Variants in NOL9 observed in about 807,000 individuals in gnomAD.
The protein encoded by NOL9 is polynucleotide 5'-hydroxyl-kinase NOL9.
A neutral mutation model predicts 67.9 loss-of-function variants in NOL9; 28 were observed. That is an observed-to-expected ratio of 0.41 (90% CI 0.31 to 0.57). NOL9 has a LOEUF of 0.57. NOL9 is among the 20% of genes least tolerant of loss of function. The pLI is 0.25. For synonymous variants in NOL9, 356 were observed against 352.2 expected (o/e 1.01, Z -0.12); for missense variants, 777 against 897.0 (o/e 0.87, Z 1.71).
chr1:6,525,913 C>G lies in NOL9; in HGVS notation c.2050G>C (p.Glu684Gln), dbSNP rs758640967. Residue 684 changes from glutamate to glutamine, a missense_variant, in exon 12 of 12, where the codon GAG becomes CAG. Physicochemically the swap from Glu to Gln is conservative, Grantham distance 29. Coordinates refer to ENST00000377705, the MANE Select transcript of NOL9 (RefSeq NM_024654.5). Reference protein sequence around the residue: ...ASEKIGAREPEEAHKEKPYRR... With the variant: ...ASEKIGAREPQEAHKEKPYRR... ...TATGGTTTCTCTTTATGTGCCTCCT[C>G]AGGTTCTCTTGCTCCAATTTTCTCT... is the stretch of plus-strand genomic sequence containing the variant. 2 of 1,614,146 alleles carry G rather than the reference C, an allele frequency of 1.2e-6. No individual in the cohort carries two copies. The highest frequency in any genetic ancestry group is 1.7e-6 in the Non-Finnish European group (2 of 1,180,006).
Position 6,550,549 on chromosome 1 carries a change from T to C in NOL9, c.463A>G (p.Thr155Ala). 1.2e-6 allele frequency: 2 copies of C among 1,613,882 alleles called. No homozygotes were observed. Among genetic ancestry groups the C allele is most frequent in the Non-Finnish European group, 1.7e-6 (2 of 1,179,986 alleles). Residue 155 changes from threonine (T) to alanine (A), a missense_variant, in exon 2 of 12, where the codon ACC becomes GCC. By Grantham distance (58) the Thr-to-Ala change is moderately conservative. Transcript: ENST00000377705. Reference sequence around the variant, plus strand: ...TGGGCAGGCTGGCCTTGGCTGATGGTAAAACCAAATACCTGCACCTGGCCA... The same window carrying C: ...TGGGCAGGCTGGCCTTGGCTGATGGCAAAACCAAATACCTGCACCTGGCCA... ...LYGQVQVFGFTISQGQPAQDI... is the reference protein window; with the variant it reads ...LYGQVQVFGFAISQGQPAQDI...
chr1:6,550,113 G>A (rs1425301431), intron 2 of NOL9, among the ~76,000 whole-genome samples: 1 of 151,976 alleles, frequency 6.6e-6, no homozygotes, highest in African/African-American at 2.4e-5. Context: ...CCTACTGCAA[G>A]CTCCGCCTCC....
In NOL9 at chr1:6,525,071, C is replaced by T. The variant is rs1638853000; in HGVS notation, c.*783G>A. 1 of 151,978 alleles carries T rather than the reference C, an allele frequency of 6.6e-6. No individual in the cohort carries two copies. The highest frequency in any genetic ancestry group is 1.5e-5 in the Non-Finnish European group (1 of 68,014). 9.4% of individuals were successfully genotyped at this position (151,978 alleles called of 1,614,324 possible). A position where few individuals can be genotyped will look rare whatever the true frequency, so the allele number is the denominator to read the frequency against. ...TTTCCAGATTTGAAAGAAATTTCCT[C>T]AGCATAAAACCTCAGGATTAAAAAA... On this transcript the variant is annotated 3_prime_UTR_variant, in exon 12 of 12. Transcript: ENST00000377705.
At chr1:6,544,771 C>T in intron 5 of NOL9, 55 bp downstream of exon 5, 2 of 1,576,346 alleles carry the variant, frequency 1.3e-6, no homozygotes, top group Middle Eastern at 1.7e-4. Flanking sequence ...TCAAAAATCC[C>T]ACTTCATGAC....
Position 6,554,142 on chromosome 1 carries a change from G to A in NOL9, c.361C>T (p.Pro121Ser). The A allele has an allele frequency of 6.5e-7, 1 of 1,530,564 alleles. No homozygotes were observed. Among genetic ancestry groups the A allele is most frequent in the Non-Finnish European group, 8.8e-7 (1 of 1,138,266 alleles). 94.8% of individuals were successfully genotyped at this position (1,530,564 alleles called of 1,614,324 possible). ...GGCAGCAGCAGCAACGCGCGGCCGG[G>A]GCCCACGGGCCGCACCGGTGGGATG... ...LLIPPVRPVG[P>S]GRALLLLPVE... Residue 121 changes from proline (P) to serine (S), a missense_variant, in exon 1 of 12, where the codon CCC (proline) becomes TCC (serine). Transcript: ENST00000377705.
At chr1:6,531,054 G>A (rs1639014818) in intron 9 of NOL9, among the ~76,000 whole-genome samples, 1 of 152,162 alleles carries the variant, frequency 6.6e-6, no homozygotes, top group Admixed American at 6.6e-5. Context: ...CACAGAGTAA[G>A]CATTTCAGAA....
intron 6 of NOL9, among the ~76,000 whole-genome samples, chr1:6,535,263 C>T (rs1363924232): frequency 6.6e-6 from 1 of 152,208 alleles, no homozygotes; most frequent in Non-Finnish European, 1.5e-5. Flanking sequence ...AGGCAACAAG[C>T]GTGCACAGTA....
At chr1:6,546,374 C>T (rs887018050) in intron 3 of NOL9, among the ~76,000 whole-genome samples, 11 of 152,212 alleles carry the variant, frequency 7.2e-5, no homozygotes, top group Admixed American at 5.2e-4. Flanking sequence ...GGTCCAGCTA[C>T]TGGACTCTGC....
At chr1:6,538,553 T>A (rs1468993984) in intron 6 of NOL9, among the ~76,000 whole-genome samples, 1 of 151,578 alleles carries the variant, frequency 6.6e-6, no homozygotes, top group African/African-American at 2.4e-5. Context: ...GCATCTATAA[T>A]CCCAGCTACT....
Position 6,545,175 on chromosome 1 carries a change from T to C in NOL9, c.750A>G (p.Pro250=). 1 of 1,607,510 alleles carries C rather than the reference T, an allele frequency of 6.2e-7. No homozygotes were observed. The highest frequency in any genetic ancestry group is 8.5e-7 in the Non-Finnish European group (1 of 1,178,384). ...GSSYIFVQES[P]TPQIKPEYLA... is the part of the protein sequence containing the mutation. ...AATATTCAGGTTTAATCTGGGGAGT[T>C]GGACTCTGAAATCAACAATTTAAAC... is the stretch of plus-strand genomic sequence containing the variant. Residue 250 remains proline (P), a synonymous_variant, in exon 4 of 12, where the codon CCA becomes CCG. Coordinates refer to ENST00000377705, the MANE Select transcript of NOL9 (RefSeq NM_024654.5).
chr1:6,533,841 A>T (rs900076146), intron 6 of NOL9, among the ~76,000 whole-genome samples: 1 of 151,998 alleles, frequency 6.6e-6, no homozygotes, highest in Admixed American at 6.6e-5. Flanking sequence ...GCAATACAGC[A>T]ATGACTCTGT....
chr1:6,529,103 A>G lies in NOL9; in HGVS notation c.1716T>C (p.Ala572=). 1 of 1,614,126 alleles carries G rather than the reference A, an allele frequency of 6.2e-7. No individual in the cohort carries two copies. The highest frequency in any genetic ancestry group is 8.5e-7 in the Non-Finnish European group (1 of 1,180,010). The change falls in exon 10 of 12, where the codon GCT becomes GCC. Residue 572 remains alanine (A), a synonymous_variant. Coordinates refer to ENST00000377705, the MANE Select transcript of NOL9 (RefSeq NM_024654.5). ...SDVAPTHILY[A]VNASWVGLCK... ...AAAGACCAACCCAGCTGGCGTTTAC[A>G]GCATATAGTATATGGGTAGGGGCGA... is the stretch of plus-strand genomic sequence containing the variant.
chr1:6,550,749 T>C, intron 1 of NOL9, 134 bp from the exon 2 acceptor site: 4 of 642,442 alleles, frequency 6.2e-6, no homozygotes, highest in Non-Finnish European at 1.0e-5. Flanking sequence ...AATGGCACAA[T>C]CTCGGCTCAC....
intron 3 of NOL9, among the ~76,000 whole-genome samples, chr1:6,545,997 A>G (rs1639414998): frequency 6.6e-6 from 1 of 151,948 alleles, no homozygotes; most frequent in Admixed American, 6.6e-5. Context: ...CTTAGAAAAC[A>G]ACAGAACAAG....
In NOL9 at chr1:6,554,363, C is replaced by T. The variant is rs751762254; in HGVS notation, c.140G>A (p.Arg47His). 1.4e-6 allele frequency: 2 copies of T among 1,454,374 alleles called. No individual in the cohort carries two copies. The highest frequency in any genetic ancestry group is 1.8e-6 in the Non-Finnish European group (2 of 1,113,354). The allele number at this position is 1,454,374 out of a possible 1,614,324, so 90.1% of individuals were successfully genotyped here. Reference sequence around the variant, plus strand: ...GGCTTGCAGTAACCGCCACCGTAGGCGCCGCCGACCGCACCAGCGCAGGCT... The same window carrying T: ...GGCTTGCAGTAACCGCCACCGTAGGTGCCGCCGACCGCACCAGCGCAGGCT... ...LGSLRWCGRR[R>H]LRWRLLQAQA... Residue 47 changes from arginine (R) to histidine (H), a missense_variant, in exon 1 of 12, where the codon CGC (arginine) becomes CAC (histidine). By Grantham distance (29) the Arg-to-His change is conservative (BLOSUM62 0). This residue lies in a region of NOL9 where 364 missense variants were observed against 344.4 expected (regional missense o/e 1.06). Coordinates refer to ENST00000377705, the MANE Select transcript of NOL9 (RefSeq NM_024654.5).
chr1:6,545,030 A>G lies in NOL9; in HGVS notation c.880+15T>C, dbSNP rs1292965746. On this transcript the variant is annotated intron_variant, in intron 4 of 11. Coordinates refer to ENST00000377705, the MANE Select transcript of NOL9 (RefSeq NM_024654.5). ...GGTGGACAGACATTCAGGGTGATCA[A>G]TGTGTATTACTCACCACAGGAAACA... 12 of 1,613,988 alleles carry G rather than the reference A, an allele frequency of 7.4e-6. No individual in the cohort carries two copies. In the Admixed American group the frequency reaches 1.7e-4, roughly 22 times the overall value.
In NOL9 at chr1:6,524,375, G is replaced by A. The variant is rs1224949888; in HGVS notation, c.*1479C>T. On this transcript the variant is annotated 3_prime_UTR_variant, in exon 12 of 12. Coordinates refer to ENST00000377705, the MANE Select transcript of NOL9 (RefSeq NM_024654.5). ...CCAGTTTGAACCTCAGCCCCAGGAA[G>A]TATCCTGCTGTCTTAAATGCAGAAA... 6.6e-6 allele frequency: 1 copy of A among 152,206 alleles called. No homozygotes were observed. Among genetic ancestry groups the A allele is most frequent in the Admixed American group, 6.5e-5 (1 of 15,278 alleles). 9.4% of individuals were successfully genotyped at this position (152,206 alleles called of 1,614,324 possible). A position where few individuals can be genotyped will look rare whatever the true frequency, so the allele number is the denominator to read the frequency against.
chr1:6,525,630 C>T lies in NOL9; in HGVS notation c.*224G>A. ...TCTCTGCTGTTTTACTCCCTCTGGACAGCAAGTATGAGTATCACACAGAAG... is the reference window on the plus strand; with the variant it reads ...TCTCTGCTGTTTTACTCCCTCTGGATAGCAAGTATGAGTATCACACAGAAG... On this transcript the variant is annotated 3_prime_UTR_variant, in exon 12 of 12. Coordinates refer to ENST00000377705, the MANE Select transcript of NOL9 (RefSeq NM_024654.5). The T allele has an allele frequency of 1.8e-6, 1 of 563,092 alleles. No homozygotes were observed. 34.9% of individuals were successfully genotyped at this position (563,092 alleles called of 1,614,324 possible).
At chr1:6,536,634 C>G (rs529152507) in intron 6 of NOL9, among the ~76,000 whole-genome samples, 1 of 152,120 alleles carries the variant, frequency 6.6e-6, no homozygotes, top group Admixed American at 6.6e-5. Context: ...TTGAGAGCAG[C>G]TTGGGCAACA....
Sources: allele counts gnomAD v4.1 joint callset (sites outside exome capture counted in the v4.1 genomes callset), GRCh38; gene constraint gnomAD v4.1.1; regional missense constraint gnomAD v4.1.1; transcripts MANE v1.5; gene names NCBI Gene and HGNC (gene_info 2026-07-23, HGNC 2026-07-21).